Variants in SRC observed in about 807,000 individuals in gnomAD.
The protein encoded by SRC is proto-oncogene tyrosine-protein kinase Src.
Under a neutral mutation model 62.9 loss-of-function variants are expected in SRC, and 13 were observed. That is an observed-to-expected ratio of 0.21 (90% confidence interval 0.13 to 0.33). The LOEUF (loss-of-function observed/expected upper bound fraction) is 0.33. Ranked by LOEUF, SRC falls within the 10% of genes least tolerant of loss-of-function variation. SRC has a pLI of 1.00. For missense variants in SRC, 457 were observed against 737.3 expected (o/e 0.62, Z 4.40); for synonymous variants, 302 against 317.5 (o/e 0.95, Z 0.52).
chr20:37,388,711 C>T (rs1354706249), intron 5 of SRC, among the ~76,000 whole-genome samples: 1 of 152,018 alleles, frequency 6.6e-6, no homozygotes, highest in Non-Finnish European at 1.5e-5. Context: ...CGTGCTACTG[C>T]ACTCCAGCCT....
In SRC at chr20:37,402,218, C is replaced by CTTCTGCCCTCTGCT. The variant is rs1278933405; in HGVS notation, c.1117-216_1117-203dup. The stretch of plus-strand genomic sequence containing the variant: ...CTCGTGCCTCCCCTTTGACCTTTGC[C>CTTCTGCCCTCTGCT]TTCTGCCCTCTGCTCTGTGCCCTGT... On this transcript the variant is annotated intron_variant, in intron 11 of 13. Transcript: ENST00000373578. The surrounding 1 kb of genome is among the most constrained non-coding windows in gnomAD (Gnocchi z 6.2). 9 of 537,058 alleles carry CTTCTGCCCTCTGCT rather than the reference C, an allele frequency of 1.7e-5. No homozygotes were observed. Among genetic ancestry groups the CTTCTGCCCTCTGCT allele is most frequent in the African/African-American group, 1.5e-4 (8 of 52,204 alleles). The allele number at this position is 537,058 out of a possible 1,614,324, so 33.3% of individuals were successfully genotyped here.
At chr20:37,377,371 C>T (rs548775971) in intron 2 of SRC, among the ~76,000 whole-genome samples, 4 of 152,350 alleles carry the variant, frequency 2.6e-5, no homozygotes, top group African/African-American at 7.2e-5. Flanking sequence ...AGCCAGGACT[C>T]GAACCCAGGT....
At chr20:37,389,861 G>A (rs2070517905) in intron 5 of SRC, among the ~76,000 whole-genome samples, 1 of 152,114 alleles carries the variant, frequency 6.6e-6, no homozygotes. Flanking sequence ...TCTAGCCATG[G>A]GTGGGAAGGC....
chr20:37,397,729 C>G lies in SRC; in HGVS notation c.734C>G (p.Thr245Ser), dbSNP rs754617799. ...KHADGLCHRL[T>S]TVCPTSKPQT... ...GCCGATGGCCTGTGCCACCGCCTCACCACCGTGTGCCCCACGTCCAAGCCG... is the reference window on the plus strand; with the variant it reads ...GCCGATGGCCTGTGCCACCGCCTCAGCACCGTGTGCCCCACGTCCAAGCCG... The change falls in exon 9 of 14, where the codon ACC becomes AGC. Residue 245 changes from threonine (T) to serine (S), a missense_variant. This residue lies in a region of SRC where 141 missense variants were observed against 198.4 expected (regional missense o/e 0.71). Coordinates refer to ENST00000373578, the MANE Select transcript of SRC (RefSeq NM_198291.3). The surrounding 1 kb of genome is among the most constrained non-coding windows in gnomAD (Gnocchi z 4.1). The G allele has an allele frequency of 1.2e-6, 2 of 1,603,238 alleles. No individual in the cohort carries two copies.
intron 5 of SRC, among the ~76,000 whole-genome samples, chr20:37,389,046 G>C (rs1414382457): frequency 6.6e-6 from 1 of 152,166 alleles, no homozygotes; most frequent in Non-Finnish European, 1.5e-5. Flanking sequence ...TAGAGAGCTA[G>C]AGGAGGAACC....
rs192690526 is a variant in SRC at position 37,405,574 on chromosome 20, G to A, written c.*2195G>A. 12 of 174,982 alleles carry A rather than the reference G, an allele frequency of 6.9e-5. No homozygotes were observed. The highest frequency in any genetic ancestry group is 4.4e-4 in the Admixed American group (7 of 15,742). 10.8% of individuals were successfully genotyped at this position (174,982 alleles called of 1,614,324 possible). A position where few individuals can be genotyped will look rare whatever the true frequency, so the allele number is the denominator to read the frequency against. On this transcript the variant is annotated 3_prime_UTR_variant, in exon 14 of 14. Coordinates refer to ENST00000373578, the MANE Select transcript of SRC (RefSeq NM_198291.3). ...GTGACATCAGATTGGAGACAGCTAC[G>A]GCAGAATGTGGCTGTTTGTGAACAT...
chr20:37,381,945 G>A (rs1445217891), intron 2 of SRC, among the ~76,000 whole-genome samples: 1 of 152,164 alleles, frequency 6.6e-6, no homozygotes, highest in Non-Finnish European at 1.5e-5. Context: ...CAGGGAGCAT[G>A]CAAACCATAC....
intron 2 of SRC, among the ~76,000 whole-genome samples, chr20:37,368,107 T>C (rs1055188049): frequency 6.6e-6 from 1 of 152,200 alleles, no homozygotes; most frequent in Admixed American, 6.5e-5. Flanking sequence ...GCTTGTGCTC[T>C]AGGTGTTGTA....
intron 3 of SRC, 120 bp downstream of exon 3, chr20:37,382,906 G>C (rs1320437809): frequency 6.6e-6 from 1 of 152,318 alleles, no homozygotes. Flanking sequence ...GTGGTGGCAG[G>C]ACTGTGGGCG....
In SRC at chr20:37,373,185, TG is replaced by T. The variant is rs1421821622; in HGVS notation, c.-173+7909del. On this transcript the variant is annotated intron_variant, in intron 2 of 13. Coordinates refer to ENST00000373578, the MANE Select transcript of SRC (RefSeq NM_198291.3). ...ACACATATATGTACACACATACACA[TG>T]TATACATATATGTACATATCTACAC... 4.6e-5 allele frequency among the ~76,000 whole-genome samples: 7 copies of T among 151,546 alleles called. No individual in the cohort carries two copies. The East Asian group carries it at 1.4e-3, about 29-fold the overall frequency.
At chr20:37,360,128 A>G (rs1402600199) in intron 1 of SRC, among the ~76,000 whole-genome samples, 1 of 151,992 alleles carries the variant, frequency 6.6e-6, no homozygotes, top group African/African-American at 2.4e-5. Context: ...TGTATCTCTA[A>G]AAGACAAGGA....
intron 1 of SRC, among the ~76,000 whole-genome samples, chr20:37,352,597 CCT>C (rs1313727109): frequency 6.6e-6 from 1 of 152,136 alleles, no homozygotes; most frequent in Non-Finnish European, 1.5e-5. Context: ...TGAATGGGCC[CCT>C]CTCTTCAAAG....
intron 1 of SRC, among the ~76,000 whole-genome samples, chr20:37,355,854 G>C (rs2069875027): frequency 6.6e-6 from 1 of 152,196 alleles, no homozygotes; most frequent in Non-Finnish European, 1.5e-5. Flanking sequence ...CATGGAGGTG[G>C]GGAGCAGCAG....
upstream of SRC, chr20:37,344,918 C>A (rs1173328018): frequency 6.6e-6 from 1 of 152,542 alleles, no homozygotes; most frequent in Non-Finnish European, 1.5e-5. Flanking sequence ...AGCTGATCGA[C>A]TTGTCCACCC....
intron 2 of SRC, among the ~76,000 whole-genome samples, chr20:37,373,241 T>G (rs901786356): frequency 1.6e-5 from 2 of 123,264 alleles, no homozygotes; most frequent in African/African-American, 4.0e-5. Context: ...CATGCACATA[T>G]GTACACACGC....
intron 2 of SRC, among the ~76,000 whole-genome samples, chr20:37,375,193 A>C (rs2070257836): frequency 6.7e-6 from 1 of 150,260 alleles, no homozygotes; most frequent in African/African-American, 2.5e-5. Flanking sequence ...GGCCTCCCAA[A>C]GTGCTGGGAT....
At chr20:37,375,663 C>G (rs6018138) in intron 2 of SRC, among the ~76,000 whole-genome samples, 1 of 152,146 alleles carries the variant, frequency 6.6e-6, no homozygotes, top group Non-Finnish European at 1.5e-5. Flanking sequence ...GTGTGAGCCA[C>G]CACACCCAAC....
At chr20:37,394,065 T>C in intron 6 of SRC, 72 bp downstream of exon 6, 1 of 1,570,304 alleles carries the variant, frequency 6.4e-7, no homozygotes, top group East Asian at 2.2e-5. Flanking sequence ...TCTCCTGGGC[T>C]GGGGTGGGAG....
At chr20:37,362,346 C>T (rs1254290798) in intron 1 of SRC, among the ~76,000 whole-genome samples, 1 of 152,144 alleles carries the variant, frequency 6.6e-6, no homozygotes, top group Non-Finnish European at 1.5e-5. Flanking sequence ...CAGGTGCAAG[C>T]CACTGCTCCT....
Sources: gnomAD v4.1 joint callset for allele counts (sites outside exome capture counted in the v4.1 genomes callset) on GRCh38, gnomAD v4.1.1 for gene constraint, gnomAD v4.1.1 regional missense constraint, Gnocchi (gnomAD v3.1) non-coding constraint, MANE v1.5 for transcripts, NCBI Gene and HGNC (gene_info 2026-07-23, HGNC 2026-07-21) for gene names.